The following ATP6V0A1 variants were observed in gnomAD, a reference collection of about 807,000 sequenced individuals.
The protein encoded by ATP6V0A1 is V-type proton ATPase 116 kDa subunit a 1.
ATP6V0A1 carries 43 observed loss-of-function variants against 105.4 expected under a neutral mutation model. The observed-to-expected ratio is 0.41, with a 90% CI of 0.32 to 0.53. The LOEUF (loss-of-function observed/expected upper bound fraction) is 0.53, where lower values mean the gene tolerates loss of function less well. ATP6V0A1 is among the 20% of genes least tolerant of loss of function. ATP6V0A1 has a pLI of 0.30. For missense variants in ATP6V0A1, 676 were observed against 1,051.1 expected (o/e 0.64, Z 4.93); for synonymous variants, 362 against 372.8 (o/e 0.97, Z 0.33).
rs113256911 is a variant in ATP6V0A1 at position 42,472,214 on chromosome 17, C to T, written c.423+1996C>T. Among the ~76,000 whole-genome samples the T allele has an allele frequency of 9.3e-3, 1,408 of 151,736 alleles. 31 individuals are homozygous for T. The highest frequency in any genetic ancestry group is 0.032 in the African/African-American group (1,334 of 41,400). The stretch of plus-strand genomic sequence containing the variant: ...GATTACAGGTGCTCACCACCACCCC[C>T]AGCTAATTTTTGTATTTTCAGTAGA... On this transcript the variant is annotated intron_variant, in intron 5 of 21. Transcript: ENST00000343619.
chr17:42,467,964 C>T (rs765398177), intron 3 of ATP6V0A1, 46 bp from the exon 4 acceptor site: 9 of 1,342,688 alleles, frequency 6.7e-6, no homozygotes, highest in Middle Eastern at 1.9e-4. Flanking sequence ...ATGGCAATTA[C>T]GAGCATGTGC....
intron 12 of ATP6V0A1, 146 bp downstream of exon 12, chr17:42,494,619 C>G: frequency 2.0e-6 from 2 of 999,344 alleles, no homozygotes; most frequent in Non-Finnish European, 2.8e-6. Flanking sequence ...CCAAAGACGA[C>G]ATGTGCAAGC....
chr17:42,515,120 G>T (rs905175246), intron 21 of ATP6V0A1, among the ~76,000 whole-genome samples: 2 of 152,088 alleles, frequency 1.3e-5, no homozygotes, highest in African/African-American at 4.8e-5. Context: ...GAGAGCGGGG[G>T]TGTGGTCTGG....
intron 16 of ATP6V0A1, 97 bp downstream of exon 16, chr17:42,501,020 T>C: frequency 7.4e-7 from 1 of 1,345,378 alleles, no homozygotes; most frequent in Non-Finnish European, 1.1e-6. Flanking sequence ...TGCCCTTCTA[T>C]GGGACAATTC....
intron 17 of ATP6V0A1, 71 bp from the exon 18 acceptor site, chr17:42,507,449 C>A (rs1378407137): frequency 9.2e-7 from 1 of 1,087,790 alleles, no homozygotes; most frequent in Admixed American, 2.0e-5. Context: ...TACTAACCAT[C>A]GCCCTTCCCA....
intron 21 of ATP6V0A1, among the ~76,000 whole-genome samples, chr17:42,517,704 G>A (rs1472412914): frequency 6.6e-6 from 1 of 152,208 alleles, no homozygotes; most frequent in Non-Finnish European, 1.5e-5. Context: ...GACTGCAGGA[G>A]GCGTTCTGAG....
At chr17:42,499,985 C>T (rs2091529682) in intron 15 of ATP6V0A1, among the ~76,000 whole-genome samples, 1 of 148,926 alleles carries the variant, frequency 6.7e-6, no homozygotes, top group South Asian at 2.1e-4. Context: ...CCTGTAATGC[C>T]AGCACTTTGG....
At chr17:42,464,923 A>T (rs2086859080) in intron 2 of ATP6V0A1, among the ~76,000 whole-genome samples, 1 of 152,134 alleles carries the variant, frequency 6.6e-6, no homozygotes, top group Non-Finnish European at 1.5e-5. Context: ...AATTTATCAC[A>T]TACTATTTTA....
Position 42,521,224 on chromosome 17 carries a change from A to T in ATP6V0A1, c.*104A>T, listed in dbSNP as rs1172559281. 3 of 1,013,374 alleles carry T rather than the reference A, an allele frequency of 3.0e-6. No individual in the cohort carries two copies. The highest frequency in any genetic ancestry group is 4.3e-6 in the Non-Finnish European group (3 of 696,734). 62.8% of individuals were successfully genotyped at this position (1,013,374 alleles called of 1,614,324 possible). ...GGTTGTGATCTGTGGGCACCAGCTC[A>T]TTCGTGTCACCCTGTCTGTGAGTCA... On this transcript the variant is annotated 3_prime_UTR_variant, in exon 22 of 22. Transcript: ENST00000343619. The surrounding 1 kb of genome is among the most constrained non-coding windows in gnomAD (Gnocchi z 4.8).
intron 5 of ATP6V0A1, among the ~76,000 whole-genome samples, chr17:42,475,280 G>A (rs1455060797): frequency 6.6e-6 from 1 of 152,174 alleles, no homozygotes; most frequent in Admixed American, 6.5e-5. Flanking sequence ...ATACTTAATT[G>A]CTGTAGAAAC....
intron 21 of ATP6V0A1, among the ~76,000 whole-genome samples, chr17:42,515,330 G>A (rs2092567221): frequency 6.6e-6 from 1 of 151,532 alleles, no homozygotes; most frequent in Non-Finnish European, 1.5e-5. Context: ...AGCCAGGTGT[G>A]GTGGCACGTG....
chr17:42,512,997 A>G (rs2092424442), intron 19 of ATP6V0A1, among the ~76,000 whole-genome samples: 1 of 152,240 alleles, frequency 6.6e-6, no homozygotes, highest in Non-Finnish European at 1.5e-5. Flanking sequence ...TACCAAATTC[A>G]GAAGCCCACA....
chr17:42,494,433 T>G lies in ATP6V0A1; in HGVS notation c.1274T>G (p.Leu425Arg). ...LMTLFAVWMVLRESRILSQKN... is the reference protein window; with the variant it reads ...LMTLFAVWMVRRESRILSQKN... ...ACCCTTTTTGCTGTGTGGATGGTAC[T>G]GAGGGAGAGCCGGATCCTTTCCCAG... The change falls in exon 12 of 22, where the codon CTG (leucine) becomes CGG (arginine). Residue 425 changes from leucine to arginine, a missense_variant. Leu to Arg is a moderately radical substitution (Grantham distance 102). This residue lies in a region of ATP6V0A1 where 435 missense variants were observed against 642.2 expected (regional missense o/e 0.68). Transcript: ENST00000343619. 6.2e-7 allele frequency: 1 copy of G among 1,614,030 alleles called. No homozygotes were observed. Among genetic ancestry groups the G allele is most frequent in the Non-Finnish European group, 8.5e-7 (1 of 1,179,920 alleles).
intron 7 of ATP6V0A1, among the ~76,000 whole-genome samples, chr17:42,479,817 T>C (rs1431199539): frequency 6.6e-6 from 1 of 152,216 alleles, no homozygotes; most frequent in Non-Finnish European, 1.5e-5. Context: ...GGAACTTTTC[T>C]CAGGAATATT....
intron 5 of ATP6V0A1, among the ~76,000 whole-genome samples, chr17:42,473,817 G>A (rs76715590): frequency 6.6e-6 from 1 of 152,062 alleles, no homozygotes; most frequent in African/African-American, 2.4e-5. Flanking sequence ...CTAATGAAAA[G>A]AACTTAGTAA....
rs888422651 is a variant in ATP6V0A1, at chr17:42,483,076, A to T, written c.755A>T (p.Gln252Leu). Residue 252 changes from glutamine (Q) to leucine (L), a missense_variant, in exon 9 of 22, where the codon CAG (glutamine) becomes CTG (leucine). Physicochemically the swap from Gln to Leu is moderately radical, Grantham distance 113. Coordinates refer to ENST00000343619, the MANE Select transcript of ATP6V0A1 (RefSeq NM_001130021.3). ...ASLYPCPETP[Q>L]ERKEMASGVN... ...CTCTATCCCTGTCCTGAGACACCAC[A>T]GGAGAGGAAGGAAATGGCTTCTGGA... is the stretch of plus-strand genomic sequence containing the variant. The T allele has an allele frequency of 2.5e-6, 4 of 1,574,324 alleles. No individual in the cohort carries two copies.
chr17:42,490,715 G>C, intron 11 of ATP6V0A1, 78 bp downstream of exon 11: 1 of 1,448,010 alleles, frequency 6.9e-7, no homozygotes, highest in Non-Finnish European at 9.3e-7. Context: ...TTGAGACAGA[G>C]TCTCCCTCTG....
chr17:42,487,223 G>T lies in ATP6V0A1; in HGVS notation c.879G>T (p.Trp293Cys), dbSNP rs774086002. ...LQAAAKNIRV[W>C]FIKVRKMKAI... The stretch of plus-strand genomic sequence containing the variant: ...CAGCTGCTAAGAACATCCGTGTCTG[G>T]TTCATCAAAGTGCGGAAGATGAAGG... The change falls in exon 10 of 22, where the codon TGG (tryptophan) becomes TGT (cysteine). Residue 293 changes from tryptophan to cysteine, a missense_variant. Coordinates refer to ENST00000343619, the MANE Select transcript of ATP6V0A1 (RefSeq NM_001130021.3). 6.2e-7 allele frequency: 1 copy of T among 1,614,156 alleles called. No homozygotes were observed. Among genetic ancestry groups the T allele is most frequent in the East Asian group, 2.2e-5 (1 of 44,882 alleles).
Position 42,501,871 on chromosome 17 carries a change from T to TA in ATP6V0A1, c.2004+572dup, listed in dbSNP as rs559272001. Among the ~76,000 whole-genome samples the TA allele has an allele frequency of 4.0e-3, 612 of 151,964 alleles. 7 individuals are homozygous for TA. The highest frequency in any genetic ancestry group is 0.014 in the African/African-American group (586 of 41,498). On this transcript the variant is annotated intron_variant, in intron 17 of 21. Coordinates refer to ENST00000343619, the MANE Select transcript of ATP6V0A1 (RefSeq NM_001130021.3). ...CAACATGGTGAAACCCCATCTTTAC[T>TA]AAAAATACAAAAATTAGCCAAGCGT...
Sources: gnomAD v4.1 joint callset for allele counts (sites outside exome capture counted in the v4.1 genomes callset) on GRCh38, gnomAD v4.1.1 for gene constraint, gnomAD v4.1.1 regional missense constraint, Gnocchi (gnomAD v3.1) non-coding constraint, MANE v1.5 for transcripts, NCBI Gene and HGNC (gene_info 2026-07-23, HGNC 2026-07-21) for gene names.